Variants in OXSR1 observed in about 807,000 individuals in gnomAD.
OXSR1 encodes oxidative stress responsive kinase 1, also known as serine/threonine-protein kinase OSR1.
Under a neutral mutation model 79.8 loss-of-function variants are expected in OXSR1, and 24 were observed. The observed-to-expected ratio is 0.30, with a 90% CI of 0.22 to 0.42. The LOEUF is 0.42. Ranked by LOEUF, OXSR1 falls within the 10% of genes least tolerant of loss-of-function variation. The pLI, the probability that OXSR1 is intolerant of heterozygous loss-of-function variation, is 1.00. For missense variants in OXSR1, 430 were observed against 618.4 expected (o/e 0.70, Z 3.23); for synonymous variants, 226 against 209.2 (o/e 1.08, Z -0.69).
intron 1 of OXSR1, among the ~76,000 whole-genome samples, chr3:38,171,134 C>T (rs975017403): frequency 2.0e-5 from 3 of 152,150 alleles, no homozygotes; most frequent in South Asian, 4.1e-4. Flanking sequence ...ACACCTGTCA[C>T]GTCCTTCCAG....
intron 10 of OXSR1, among the ~76,000 whole-genome samples, chr3:38,230,893 A>G (rs558633031): frequency 6.6e-6 from 1 of 152,358 alleles, no homozygotes; most frequent in South Asian, 2.1e-4. Flanking sequence ...TGGGCAGAAT[A>G]TATTAATCTT....
At chr3:38,246,029 C>A (rs780689788) in intron 12 of OXSR1, 46 bp from the exon 13 acceptor site, 1 of 1,589,442 alleles carries the variant, frequency 6.3e-7, no homozygotes, top group Admixed American at 1.7e-5. Context: ...AGACCTGCCT[C>A]CCTTTCCACA....
At chr3:38,240,490 A>G (rs533304024) in intron 11 of OXSR1, among the ~76,000 whole-genome samples, 45 of 152,132 alleles carry the variant, frequency 3.0e-4, no homozygotes, top group Non-Finnish European at 5.1e-4. Context: ...CTGTACTTGC[A>G]TATATTTCTC....
chr3:38,201,128 G>C (rs1289590992), intron 4 of OXSR1, among the ~76,000 whole-genome samples: 1 of 151,922 alleles, frequency 6.6e-6, no homozygotes, highest in East Asian at 1.9e-4. Flanking sequence ...CTGGTCTTGA[G>C]CTCCTGGGCT....
At chr3:38,211,618 C>G (rs550536994) in intron 4 of OXSR1, among the ~76,000 whole-genome samples, 35 of 152,206 alleles carry the variant, frequency 2.3e-4, no homozygotes, top group African/African-American at 7.2e-4. Context: ...TTTCAAGGGT[C>G]TTGGTTTTAT....
In OXSR1 at chr3:38,176,958, T is replaced by C. The variant is rs114637708; in HGVS notation, c.71-6045T>C. Among the ~76,000 whole-genome samples, 280 of 152,356 alleles carry C rather than the reference T, an allele frequency of 1.8e-3. 2 individuals carry two copies. Among genetic ancestry groups the C allele is most frequent in the African/African-American group, 6.5e-3 (271 of 41,588 alleles). ...TGCTATTAATATATTTCAGGTTTTA[T>C]GTATATAAGATAAATCAATCAGTGT... On this transcript the variant is annotated intron_variant, in intron 1 of 17. Transcript: ENST00000311806.
chr3:38,235,602 A>G (rs112353538), intron 10 of OXSR1, among the ~76,000 whole-genome samples: 2 of 152,188 alleles, frequency 1.3e-5, no homozygotes, highest in African/African-American at 2.4e-5. Flanking sequence ...ATACATTACC[A>G]TGATAAGTCA....
intron 4 of OXSR1, among the ~76,000 whole-genome samples, chr3:38,209,235 G>T (rs975140839): frequency 6.6e-6 from 1 of 151,824 alleles, no homozygotes; most frequent in Non-Finnish European, 1.5e-5. Context: ...TTGATTGATT[G>T]ATTGACAGGG....
chr3:38,209,633 C>CTTTTTTT (rs36124151), intron 4 of OXSR1, among the ~76,000 whole-genome samples: 1 of 132,226 alleles, frequency 7.6e-6, no homozygotes, highest in African/African-American at 2.9e-5. Flanking sequence ...ATCAATTATA[C>CTTTTTTT]TTTTTTTTTT....
At position 38,223,819 on chromosome 3, in the gene OXSR1, G is replaced by T; in HGVS notation, c.608G>T (p.Gly203Val). The T allele has an allele frequency of 1.2e-6, 2 of 1,608,264 alleles. No homozygotes were observed. Among genetic ancestry groups the T allele is most frequent in the East Asian group, 4.5e-5 (2 of 44,658 alleles). Residue 203 changes from glycine (G) to valine (V), a missense_variant, in exon 7 of 18, where the codon GGT becomes GTT. By Grantham distance (109) the Gly-to-Val change is moderately radical. Coordinates refer to ENST00000311806, the MANE Select transcript of OXSR1 (RefSeq NM_005109.3). ...TGCAAATCTGTTTTGCAGGTCCGTG[G>T]TTATGATTTCAAAGCTGATATTTGG... Reference protein sequence around the residue: ...MAPEVMEQVRGYDFKADIWSF... With the variant: ...MAPEVMEQVRVYDFKADIWSF...
chr3:38,192,061 G>A (rs1701993964), intron 3 of OXSR1, among the ~76,000 whole-genome samples: 1 of 152,176 alleles, frequency 6.6e-6, no homozygotes, highest in Non-Finnish European at 1.5e-5. Context: ...TCCAGTGGTA[G>A]CAACTGAGAG....
At chr3:38,190,201 A>T (rs754426996) in intron 2 of OXSR1, among the ~76,000 whole-genome samples, 3 of 152,204 alleles carry the variant, frequency 2.0e-5, no homozygotes, top group Non-Finnish European at 2.9e-5. Context: ...AAGCTGAGAT[A>T]GAGTAAGCTT....
intron 1 of OXSR1, among the ~76,000 whole-genome samples, chr3:38,178,349 A>G (rs1402909245): frequency 1.3e-5 from 2 of 152,100 alleles, no homozygotes; most frequent in Admixed American, 6.6e-5. Flanking sequence ...GGTGTTGCCT[A>G]TGGTTGTGTT....
chr3:38,254,366 A>G lies in OXSR1; in HGVS notation c.*1475A>G, dbSNP rs1703318256. ...TCATTCTGAGTCTTTAGTTTTAGTCATGGGCTTTCTTCACCTGCTCTAGGT... is the reference window on the plus strand; with the variant it reads ...TCATTCTGAGTCTTTAGTTTTAGTCGTGGGCTTTCTTCACCTGCTCTAGGT... On this transcript the variant is annotated 3_prime_UTR_variant, in exon 18 of 18. Coordinates refer to ENST00000311806, the MANE Select transcript of OXSR1 (RefSeq NM_005109.3). 2.5e-6 allele frequency: 1 copy of G among 395,592 alleles called. No homozygotes were observed. Among genetic ancestry groups the G allele is most frequent in the Admixed American group, 4.4e-5 (1 of 22,662 alleles). 24.5% of individuals were successfully genotyped at this position (395,592 alleles called of 1,614,324 possible). A position where few individuals can be genotyped will look rare whatever the true frequency, so the allele number is the denominator to read the frequency against.
In OXSR1 at chr3:38,165,568, G is replaced by GACAGAGGGGCTGGGGTGGAGGGCGGC; in HGVS notation, c.-295_-294insGTGGAGGGCGGCACAGAGGGGCTGGG. 2.6e-6 allele frequency: 1 copy of GACAGAGGGGCTGGGGTGGAGGGCGGC among 388,586 alleles called. No homozygotes were observed. The highest frequency in any genetic ancestry group is 4.6e-6 in the Non-Finnish European group (1 of 215,922). 24.1% of individuals were successfully genotyped at this position (388,586 alleles called of 1,614,324 possible). A position where few individuals can be genotyped will look rare whatever the true frequency, so the allele number is the denominator to read the frequency against. On this transcript the variant is annotated 5_prime_UTR_variant, in exon 1 of 18. Transcript: ENST00000311806. ...TGCGTGGGGCTGGGGTGGAGGGCGG[G>GACAGAGGGGCTGGGGTGGAGGGCGGC]ACAGAGGGGCTGGGCCCAGGCAAAG...
intron 16 of OXSR1, 80 bp from the exon 17 acceptor site, chr3:38,252,248 C>A: frequency 1.1e-6 from 1 of 944,128 alleles, no homozygotes. Context: ...TCTTAACTAC[C>A]ATTTAAGCTT....
At chr3:38,183,669 CAA>C (rs1246769571) in intron 2 of OXSR1, among the ~76,000 whole-genome samples, 1 of 152,160 alleles carries the variant, frequency 6.6e-6, no homozygotes, top group South Asian at 2.1e-4. Flanking sequence ...GGATATAAGA[CAA>C]GAGATAGAAT....
intron 3 of OXSR1, among the ~76,000 whole-genome samples, chr3:38,196,158 G>A (rs1702068841): frequency 6.6e-6 from 1 of 152,120 alleles, no homozygotes; most frequent in Non-Finnish European, 1.5e-5. Flanking sequence ...TACAAGTTGT[G>A]CGTGAGGACA....
intron 12 of OXSR1, 55 bp from the exon 13 acceptor site, chr3:38,246,020 G>A: frequency 6.4e-7 from 1 of 1,560,584 alleles, no homozygotes; most frequent in Non-Finnish European, 8.8e-7. Flanking sequence ...GCTGTCAGCA[G>A]ACCTGCCTCC....
Sources: allele counts gnomAD v4.1 joint callset (sites outside exome capture counted in the v4.1 genomes callset), GRCh38; gene constraint gnomAD v4.1.1; transcripts MANE v1.5; gene names NCBI Gene and HGNC (gene_info 2026-07-23, HGNC 2026-07-21).